CUL2: variants seen among roughly 807,000 people sequenced by gnomAD.
CUL2 encodes the protein cullin-2.
A neutral mutation model predicts 110.2 loss-of-function variants in CUL2; 22 were observed. That is an observed-to-expected ratio of 0.20 (90% confidence interval 0.14 to 0.28). CUL2 has a LOEUF of 0.28. CUL2 is among the 10% of genes least tolerant of loss of function. The pLI is 1.00. For synonymous variants in CUL2, 279 were observed against 293.2 expected, an observed-to-expected ratio of 0.95 and a Z score of 0.49; for missense variants, 631 against 905.5, an observed-to-expected ratio of 0.70 and a Z score of 3.89.
intron 18 of CUL2, among the ~76,000 whole-genome samples, chr10:35,015,288 C>G (rs1365486676): frequency 7.0e-6 from 1 of 143,290 alleles, no homozygotes; most frequent in Non-Finnish European, 1.5e-5. Flanking sequence ...AGTGGAACTC[C>G]GTCTCAAAAA....
Position 35,039,100 on chromosome 10 carries a change from TACAGTC to T in CUL2, c.715-24_715-19del. On this transcript the variant is annotated intron_variant, in intron 8 of 20. Transcript: ENST00000374749. ...CCTAGAACCTATAAAAATATTTTCTTACAGTCATGAACACAAAGTTTTACTATGAGG... is the reference window on the plus strand; with the variant it reads ...CCTAGAACCTATAAAAATATTTTCTTATGAACACAAAGTTTTACTATGAGG... 3 of 1,508,130 alleles carry T rather than the reference TACAGTC, an allele frequency of 2.0e-6. No homozygotes were observed. In the South Asian group the frequency reaches 4.0e-5, roughly 20 times the overall value. The allele number at this position is 1,508,130 out of a possible 1,614,324, so 93.4% of individuals were successfully genotyped here. A position where few individuals can be genotyped will look rare whatever the true frequency, so the allele number is the denominator to read the frequency against.
intron 1 of CUL2, among the ~76,000 whole-genome samples, chr10:35,083,740 C>T (rs897665428): frequency 3.9e-5 from 6 of 152,298 alleles, no homozygotes; most frequent in African/African-American, 1.4e-4. Context: ...TGACTCATGC[C>T]TGCTGTAATC....
intron 1 of CUL2, among the ~76,000 whole-genome samples, chr10:35,108,729 C>T (rs1313708264): frequency 6.6e-6 from 1 of 152,126 alleles, no homozygotes; most frequent in African/African-American, 2.4e-5. Context: ...TTGGCCTGGG[C>T]TACAGCCATC....
chr10:35,021,112 T>C (rs970258504), intron 17 of CUL2, among the ~76,000 whole-genome samples: 1 of 151,882 alleles, frequency 6.6e-6, no homozygotes, highest in African/African-American at 2.4e-5. Flanking sequence ...TCATGGACCT[T>C]AGGGGTTAGA....
Position 35,035,293 on chromosome 10 carries a change from A to G in CUL2, c.881T>C (p.Met294Thr), listed in dbSNP as rs751246115. 3 of 1,613,888 alleles carry G rather than the reference A, an allele frequency of 1.9e-6. No homozygotes were observed. The highest frequency in any genetic ancestry group is 2.2e-5 in the South Asian group (2 of 91,050). ...NIIRQEKKND[M>T]ANMYVLLRAV... ...ACGGAGTAAGACGTACATATTTGCC[A>G]TGTCTGAGAGGAAAAAGACATCTGA... Residue 294 changes from methionine to threonine, a missense_variant, in exon 10 of 21, where the codon ATG becomes ACG. Physicochemically the swap from Met to Thr is moderately conservative, Grantham distance 81 (BLOSUM62 -1). Coordinates refer to ENST00000374749, the MANE Select transcript of CUL2 (RefSeq NM_003591.4).
intron 1 of CUL2, among the ~76,000 whole-genome samples, chr10:35,124,374 G>C (rs539163848): frequency 2.8e-3 from 421 of 152,032 alleles, no homozygotes; most frequent in Non-Finnish European, 4.8e-3. Context: ...TTAAGCCCAG[G>C]AGTTCCAGAC....
At chr10:35,123,854 A>G (rs2087707415) in intron 1 of CUL2, among the ~76,000 whole-genome samples, 1 of 152,236 alleles carries the variant, frequency 6.6e-6, no homozygotes, top group African/African-American at 2.4e-5. Flanking sequence ...TTGGGTATAA[A>G]TTTTAGAATT....
intron 1 of CUL2, among the ~76,000 whole-genome samples, chr10:35,079,392 T>G (rs2086894576): frequency 1.3e-5 from 2 of 152,188 alleles, no homozygotes; most frequent in Non-Finnish European, 2.9e-5. Context: ...AGTCCCTGAC[T>G]TAGAGTAAAT....
intron 17 of CUL2, among the ~76,000 whole-genome samples, chr10:35,021,593 A>G (rs959159171): frequency 6.7e-6 from 1 of 149,914 alleles, no homozygotes; most frequent in African/African-American, 2.5e-5. Context: ...ATATACATGT[A>G]TATCCTTCCT....
intron 8 of CUL2, among the ~76,000 whole-genome samples, chr10:35,039,623 G>A (rs972787867): frequency 9.2e-5 from 14 of 152,220 alleles, no homozygotes; most frequent in African/African-American, 3.4e-4. Flanking sequence ...CCAGTACTTT[G>A]GGAGGCCAAG....
chr10:35,043,558 C>G (rs1461636122), intron 8 of CUL2, among the ~76,000 whole-genome samples: 2 of 152,220 alleles, frequency 1.3e-5, no homozygotes, highest in Non-Finnish European at 2.9e-5. Context: ...CCCACTTAAA[C>G]TACTCGACCT....
chr10:35,039,692 C>G (rs773648259), intron 8 of CUL2, among the ~76,000 whole-genome samples: 1 of 152,102 alleles, frequency 6.6e-6, no homozygotes, highest in South Asian at 2.1e-4. Flanking sequence ...TGGCGAAACC[C>G]TGTCTCTACT....
intron 2 of CUL2, among the ~76,000 whole-genome samples, chr10:35,096,748 T>C (rs941718294): frequency 5.9e-5 from 9 of 151,974 alleles, no homozygotes; most frequent in African/African-American, 1.9e-4. Flanking sequence ...TGGTGTTGTT[T>C]GCTGAAACTA....
At chr10:35,041,575 T>C (rs1161589873) in intron 8 of CUL2, among the ~76,000 whole-genome samples, 2 of 152,208 alleles carry the variant, frequency 1.3e-5, no homozygotes, top group African/African-American at 4.8e-5. Flanking sequence ...TCTCGCTCTC[T>C]GGCCCAGGCA....
intron 1 of CUL2, among the ~76,000 whole-genome samples, chr10:35,109,731 T>C (rs888859960): frequency 2.0e-5 from 3 of 152,214 alleles, no homozygotes; most frequent in African/African-American, 7.2e-5. Flanking sequence ...GCCAGTGTGA[T>C]CAGTGCATAA....
At chr10:35,106,371 G>A (rs1322677903) in intron 1 of CUL2, among the ~76,000 whole-genome samples, 1 of 151,600 alleles carries the variant, frequency 6.6e-6, no homozygotes, top group African/African-American at 2.4e-5. Flanking sequence ...CCAGGCTGGA[G>A]TGCAGTGGCG....
upstream of CUL2, chr10:35,126,706 C>T: frequency 6.5e-6 from 1 of 153,222 alleles, no homozygotes; most frequent in Non-Finnish European, 1.5e-5. Context: ...CGGTTTCCAG[C>T]CTTGCCCCCG....
intron 1 of CUL2, among the ~76,000 whole-genome samples, chr10:35,080,670 G>C (rs890008263): frequency 6.6e-6 from 1 of 151,924 alleles, no homozygotes; most frequent in Non-Finnish European, 1.5e-5. Flanking sequence ...TGCCCAGGCT[G>C]GTCTTGAACT....
At chr10:35,114,574 G>T (rs1339876725) in intron 1 of CUL2, among the ~76,000 whole-genome samples, 1 of 150,924 alleles carries the variant, frequency 6.6e-6, no homozygotes, top group Non-Finnish European at 1.5e-5. Flanking sequence ...GTAGAGACAG[G>T]GTTTCGCTAT....
Sources: gnomAD v4.1 joint callset for allele counts (sites outside exome capture counted in the v4.1 genomes callset) on GRCh38, gnomAD v4.1.1 for gene constraint, MANE v1.5 for transcripts, NCBI Gene and HGNC (gene_info 2026-07-23, HGNC 2026-07-21) for gene names.